Variants in IL37 observed in about 807,000 individuals in gnomAD.
IL37 encodes the protein interleukin 37, also known as interleukin-37.
In IL37, 15 loss-of-function variants were observed where a neutral mutation model predicts 15.4. That is an observed-to-expected ratio of 0.98 (90% CI 0.65 to 1.50). IL37 has a LOEUF of 1.50. Ranked by LOEUF, IL37 falls within the 40% of genes most tolerant of loss-of-function variation. The pLI is 0.00. For missense variants in IL37, 269 were observed against 261.7 expected, an observed-to-expected ratio of 1.03 and a Z score of -0.19; for synonymous variants, 98 against 97.4, an observed-to-expected ratio of 1.01 and a Z score of -0.03.
At position 112,918,659 on chromosome 2, in the gene IL37, G is replaced by A. The variant is rs747700904; in HGVS notation, c.507G>A (p.Ser169=). Residue 169 remains serine (S), a synonymous_variant, in exon 6 of 6, where the codon TCG becomes TCA. Transcript: ENST00000263326. ...AQVGSWNMLE[S]AAHPGWFICT... is the part of the protein sequence containing the mutation. Reference sequence around the variant, plus strand: ...TGGGCTCCTGGAACATGCTGGAGTCGGCGGCTCACCCCGGATGGTTCATCT... The same window carrying A: ...TGGGCTCCTGGAACATGCTGGAGTCAGCGGCTCACCCCGGATGGTTCATCT... 2.4e-4 allele frequency: 392 copies of A among 1,613,992 alleles called. No individual in the cohort carries two copies. The highest frequency in any genetic ancestry group is 3.1e-4 in the Non-Finnish European group (360 of 1,180,030).
At chr2:112,915,093 T>C in intron 3 of IL37, 1 of 1,093,620 alleles carries the variant, frequency 9.1e-7, no homozygotes. Context: ...CACTCACACC[T>C]TCAGAGTGGC....
intron 5 of IL37, among the ~76,000 whole-genome samples, 152 bp from the exon 6 acceptor site, chr2:112,918,403 ATACCAG>A (rs1192284931): frequency 1.3e-5 from 2 of 152,150 alleles, no homozygotes; most frequent in African/African-American, 4.8e-5. Context: ...CATCCCTTAA[ATACCAG>A]TACCAAGGCT....
Position 112,918,711 on chromosome 2 carries a change from G to A in IL37, c.559G>A (p.Val187Ile), listed in dbSNP as rs1266781848. Residue 187 changes from valine to isoleucine, a missense_variant, in exon 6 of 6, where the codon GTT becomes ATT. Physicochemically the swap from Val to Ile is conservative, Grantham distance 29. Coordinates refer to ENST00000263326, the MANE Select transcript of IL37 (RefSeq NM_014439.4). ...ICTSCNCNEP[V>I]GVTDKFENRK... ...CACCTCCTGCAATTGTAATGAGCCT[G>A]TTGGGGTGACAGATAAATTTGAGAA... The A allele has an allele frequency of 1.2e-6, 2 of 1,614,024 alleles. No homozygotes were observed. Among genetic ancestry groups the A allele is most frequent in the Non-Finnish European group, 8.5e-7 (1 of 1,180,038 alleles).
At chr2:112,917,561 C>T (rs1328310197) in intron 4 of IL37, 74 bp from the exon 5 acceptor site, 17 of 1,457,132 alleles carry the variant, frequency 1.2e-5, no homozygotes, top group Non-Finnish European at 1.6e-5. Context: ...TGCATCAGGC[C>T]TGAAACCCCA....
chr2:112,914,829 A>T (rs2104975855), intron 3 of IL37, among the ~76,000 whole-genome samples: 1 of 152,302 alleles, frequency 6.6e-6, no homozygotes, highest in Non-Finnish European at 1.5e-5. Flanking sequence ...CGTCAGCAGC[A>T]TCAGCGCCTA....
At chr2:112,912,760 C>A (rs559046705) in intron 1 of IL37, among the ~76,000 whole-genome samples, 1 of 152,282 alleles carries the variant, frequency 6.6e-6, no homozygotes, top group East Asian at 1.9e-4. Flanking sequence ...CGTGTGTTAG[C>A]ACTGTGACTC....
At chr2:112,914,596 G>T (rs1206190716) in intron 3 of IL37, among the ~76,000 whole-genome samples, 1 of 152,194 alleles carries the variant, frequency 6.6e-6, no homozygotes, top group Non-Finnish European at 1.5e-5. Context: ...TGGCACAGTT[G>T]GGGGAGGCTG....
At chr2:112,912,004 G>A (rs374647513) in intron 1 of IL37, among the ~76,000 whole-genome samples, 4 of 152,114 alleles carry the variant, frequency 2.6e-5, no homozygotes, top group Non-Finnish European at 5.9e-5. Context: ...CCTGCTCACC[G>A]TCCTTATTGT....
At chr2:112,915,210 G>A in intron 3 of IL37, 2 of 1,614,082 alleles carry the variant, frequency 1.2e-6, no homozygotes, top group Non-Finnish European at 1.7e-6. Flanking sequence ...GCTGTGATAG[G>A]AGGGAAACAG....
At chr2:112,911,505 C>T (rs1683178084) in intron 1 of IL37, among the ~76,000 whole-genome samples, 1 of 152,176 alleles carries the variant, frequency 6.6e-6, no homozygotes, top group Non-Finnish European at 1.5e-5. Flanking sequence ...ATCCACCAAC[C>T]CTGGAAATGC....
chr2:112,917,762 A>T lies in IL37; in HGVS notation c.393A>T (p.Pro131=), dbSNP rs374854417. The T allele has an allele frequency of 2.2e-5, 35 of 1,614,048 alleles. No homozygotes were observed. The highest frequency in any genetic ancestry group is 2.9e-5 in the Non-Finnish European group (34 of 1,180,030). Residue 131 remains proline, a synonymous_variant, in exon 5 of 6, where the codon CCA becomes CCT. Transcript: ENST00000263326. The part of the protein sequence containing the change: ...YCDKDKGQSH[P]SLQLKKEKLM... ...ACAAGGATAAAGGACAAAGTCATCC[A>T]TCCCTTCAGCTGAAGGTGAGAGTTC...
chr2:112,917,523 G>A (rs1683344000), intron 4 of IL37, 112 bp from the exon 5 acceptor site: 2 of 1,109,516 alleles, frequency 1.8e-6, no homozygotes, highest in African/African-American at 1.6e-5. Context: ...AGGGAGAAGT[G>A]GACCACAGAG....
intron 2 of IL37, among the ~76,000 whole-genome samples, chr2:112,913,521 G>A (rs1683226894): frequency 6.6e-6 from 1 of 152,184 alleles, no homozygotes; most frequent in Non-Finnish European, 1.5e-5. Context: ...GTTGCCCATG[G>A]GGGACAATAG....
rs1376938826 is a variant in IL37 at position 112,918,813 on chromosome 2, A to T, written c.*4A>T. 6.2e-7 allele frequency: 1 copy of T among 1,607,150 alleles called. No individual in the cohort carries two copies. Among genetic ancestry groups the T allele is most frequent in the South Asian group, 1.1e-5 (1 of 90,938 alleles). ...CCCCAGTGAGGTCAGCGATTAGGAA[A>T]CTGCCCCATTGAACGCCTTCCTCGC... is the stretch of plus-strand genomic sequence containing the variant. On this transcript the variant is annotated 3_prime_UTR_variant, in exon 6 of 6. Transcript: ENST00000263326.
chr2:112,912,999 ACT>A lies in IL37; in HGVS notation c.-12_-11del. On this transcript the variant is annotated 5_prime_UTR_variant, in exon 2 of 6. Transcript: ENST00000263326. ...CATTCCATTTTCTGTTGAGTAATAA[ACT>A]CAACGTTGAAAATGTCCTTTGTGGG... The A allele has an allele frequency of 6.4e-7, 1 of 1,568,996 alleles. No homozygotes were observed.
chr2:112,917,266 CTG>C lies in IL37; in HGVS notation c.265+22_265+23del, dbSNP rs766338652. 2.5e-6 allele frequency: 4 copies of C among 1,612,988 alleles called. No individual in the cohort carries two copies. The highest frequency in any genetic ancestry group is 1.1e-5 in the South Asian group (1 of 90,852). ...ACGCCCAGGTGACTCTCAGTTTTGG[CTG>C]TGTTTTCTGCCTCCACCTAGCAGGG... On this transcript the variant is annotated intron_variant, in intron 4 of 5. Transcript: ENST00000263326.
chr2:112,915,777 C>T (rs550819291), intron 3 of IL37, among the ~76,000 whole-genome samples: 1 of 152,248 alleles, frequency 6.6e-6, no homozygotes, highest in South Asian at 2.1e-4. Context: ...GTCATCTCTT[C>T]CATAGACACT....
intron 5 of IL37, among the ~76,000 whole-genome samples, chr2:112,918,183 T>G (rs924657440): frequency 2.2e-5 from 2 of 91,736 alleles, no homozygotes; most frequent in African/African-American, 6.7e-5. Context: ...CCTGCAAATT[T>G]AGTCCTGGAT....
Position 112,915,857 on chromosome 2 carries a change from G to A in IL37, c.146-1272G>A, listed in dbSNP as rs1302293440. ...GGATCACGGGTGAGTCAGATAGGAA[G>A]CCTGCTCCTGGGGAGCTTACAGTGC... On this transcript the variant is annotated intron_variant, in intron 3 of 5. Coordinates refer to ENST00000263326, the MANE Select transcript of IL37 (RefSeq NM_014439.4). Among the ~76,000 whole-genome samples the A allele has an allele frequency of 2.0e-5, 3 of 152,196 alleles. No homozygotes were observed. In the East Asian group the frequency reaches 5.8e-4, roughly 29 times the overall value.
Sources: allele counts gnomAD v4.1 joint callset (sites outside exome capture counted in the v4.1 genomes callset), GRCh38; gene constraint gnomAD v4.1.1; transcripts MANE v1.5; gene names NCBI Gene and HGNC (gene_info 2026-07-23, HGNC 2026-07-21).